MGST2: variants seen among roughly 807,000 people sequenced by gnomAD.
MGST2 encodes the protein microsomal glutathione S-transferase 2.
MGST2 carries 9 observed loss-of-function variants against 16.6 expected under a neutral mutation model. The observed-to-expected ratio is 0.54, with a 90% CI of 0.33 to 0.95. The LOEUF is 0.95. Among genes scored for constraint, MGST2 ranks in the 40% least tolerant of loss-of-function variants. The probability of loss-of-function intolerance (pLI) is 0.03; values close to 1 mark genes in which losing one functional copy is unlikely to be tolerated. For synonymous variants in MGST2, 79 were observed against 68.0 expected, an observed-to-expected ratio of 1.16 and a Z score of -0.79; for missense variants, 159 against 175.1, an observed-to-expected ratio of 0.91 and a Z score of 0.52.
intron 1 of MGST2, among the ~76,000 whole-genome samples, chr4:139,671,745 G>A (rs1349564663): frequency 6.6e-6 from 1 of 152,070 alleles, no homozygotes; most frequent in African/African-American, 2.4e-5. Flanking sequence ...AGGTTCAAGT[G>A]ATTCTCCCGG....
intron 1 of MGST2, among the ~76,000 whole-genome samples, chr4:139,671,289 T>G (rs1025486616): frequency 1.3e-5 from 2 of 152,124 alleles, no homozygotes; most frequent in African/African-American, 4.8e-5. Context: ...TAGGATTTCA[T>G]TTTTGGTTTC....
At position 139,702,843 on chromosome 4, in the gene MGST2, G is replaced by T. The variant is rs200640816; in HGVS notation, c.230-612G>T. Among the ~76,000 whole-genome samples the T allele has an allele frequency of 2.2e-3, 60 of 27,596 alleles. 1 individual carries two copies. Among genetic ancestry groups the T allele is most frequent in the African/African-American group, 3.6e-3 (53 of 14,718 alleles). 18.1% of individuals were successfully genotyped at this position (27,596 alleles called of 152,430 possible). A position where few individuals can be genotyped will look rare whatever the true frequency, so the allele number is the denominator to read the frequency against. On this transcript the variant is annotated intron_variant, in intron 3 of 4. Transcript: ENST00000265498. Reference sequence around the variant, plus strand: ...ATCCTCACCAACATTTTGTGTTACTGGTTTTTTTTTTTTTTTTTTTTTTTT... The same window carrying T: ...ATCCTCACCAACATTTTGTGTTACTTGTTTTTTTTTTTTTTTTTTTTTTTT...
chr4:139,732,824 GTGTAC>G (rs1728779626), intron 5 of MGST2, among the ~76,000 whole-genome samples: 1 of 152,218 alleles, frequency 6.6e-6, no homozygotes, highest in Non-Finnish European at 1.5e-5. Flanking sequence ...TCTCTCATAA[GTGTAC>G]TGCGTTCTAT....
chr4:139,704,792 G>A (rs1560757328), downstream of MGST2, among the ~76,000 whole-genome samples: 2 of 152,028 alleles, frequency 1.3e-5, no homozygotes, highest in South Asian at 2.1e-4. Context: ...CATGGTGGCG[G>A]GTGCCTGTAG....
At chr4:139,719,436 C>T (rs1473932697) in intron 5 of MGST2, 2 of 1,614,020 alleles carry the variant, frequency 1.2e-6, no homozygotes, top group Admixed American at 1.7e-5. Context: ...AAGGAACCCC[C>T]AGCTCCGTCG....
chr4:139,714,869 T>C (rs1031228632), intron 5 of MGST2, among the ~76,000 whole-genome samples: 2 of 152,096 alleles, frequency 1.3e-5, no homozygotes, highest in East Asian at 3.9e-4. Context: ...CTACCAGCTC[T>C]CAAATTTCCC....
chr4:139,688,936 G>A (rs1022348136), intron 2 of MGST2, among the ~76,000 whole-genome samples: 75 of 151,884 alleles, frequency 4.9e-4, no homozygotes, highest in African/African-American at 1.6e-3. Context: ...ATGAAACCTC[G>A]TCTCTACTAA....
intron 5 of MGST2, chr4:139,719,412 C>T: frequency 6.2e-7 from 1 of 1,614,062 alleles, no homozygotes; most frequent in East Asian, 2.2e-5. Context: ...TCTGCACCGT[C>T]CGGGAGGCCA....
rs1013891652 is a variant in MGST2, at chr4:139,678,629, G to A, written c.145G>A (p.Val49Ile). The change falls in exon 2 of 5, where the codon GTA (valine) becomes ATA (isoleucine). Residue 49 changes from valine (V) to isoleucine (I), a missense_variant. Physicochemically the swap from Val to Ile is conservative, Grantham distance 29. Transcript: ENST00000265498. Reference sequence around the variant, plus strand: ...CACTGGGTCACCAGAGTTTGAGAGAGTATTTCGGGCACAGTAAGTAATGCT... The same window carrying A: ...CACTGGGTCACCAGAGTTTGAGAGAATATTTCGGGCACAGTAAGTAATGCT... Reference protein sequence around the residue: ...AVTGSPEFERVFRAQQNCVEF... With the variant: ...AVTGSPEFERIFRAQQNCVEF... 2.5e-6 allele frequency: 4 copies of A among 1,613,212 alleles called. No individual in the cohort carries two copies. Among genetic ancestry groups the A allele is most frequent in the African/African-American group, 1.3e-5 (1 of 74,890 alleles).
chr4:139,709,741 G>T (rs1727669099), intron 5 of MGST2, among the ~76,000 whole-genome samples: 1 of 152,224 alleles, frequency 6.6e-6, no homozygotes, highest in African/African-American at 2.4e-5. Context: ...TAGCCCTGAA[G>T]ATTTTCTGTG....
At chr4:139,682,886 G>T (rs1469915845) in intron 2 of MGST2, among the ~76,000 whole-genome samples, 1 of 150,658 alleles carries the variant, frequency 6.6e-6, no homozygotes, top group African/African-American at 2.4e-5. Flanking sequence ...AAAAAAAAAA[G>T]AAACTCAACA....
intron 5 of MGST2, among the ~76,000 whole-genome samples, chr4:139,712,544 G>A (rs1727781760): frequency 6.6e-6 from 1 of 152,192 alleles, no homozygotes; most frequent in Admixed American, 6.5e-5. Flanking sequence ...AATTGGCTTT[G>A]ATGGAACTCT....
At chr4:139,703,642 G>A in intron 4 of MGST2, 106 bp downstream of exon 4, 1 of 1,061,028 alleles carries the variant, frequency 9.4e-7, no homozygotes. Context: ...AGTTGTGGTG[G>A]CAAAAGTAAT....
At position 139,739,679 on chromosome 4, in the gene MGST2, G is replaced by GTTTCT. The variant is rs200037455; in HGVS notation, c.*49-530_*49-529insCTTTT. ...TTAAGAAAGGCAGGGGAGGAAAGCA[G>GTTTCT]TTTTTTTTTTTTTTTCTTTTATGTC... On this transcript the variant is annotated intron_variant, in intron 5 of 5. Coordinates refer to the MGST2 transcript ENST00000616265. Among the ~76,000 whole-genome samples the GTTTCT allele has an allele frequency of 4.1e-3, 542 of 132,154 alleles. 3 individuals are homozygous for GTTTCT. Among genetic ancestry groups the GTTTCT allele is most frequent in the Non-Finnish European group, 5.7e-3 (360 of 63,402 alleles). 86.7% of individuals were successfully genotyped at this position (132,154 alleles called of 152,430 possible). A position where few individuals can be genotyped will look rare whatever the true frequency, so the allele number is the denominator to read the frequency against.
chr4:139,734,999 C>G (rs1728876523), intron 5 of MGST2, among the ~76,000 whole-genome samples: 1 of 152,178 alleles, frequency 6.6e-6, no homozygotes, highest in Non-Finnish European at 1.5e-5. Flanking sequence ...AGCCCGGCCT[C>G]GTGCCCGGCC....
intron 1 of MGST2, among the ~76,000 whole-genome samples, chr4:139,675,587 A>G (rs1730917255): frequency 1.3e-5 from 2 of 152,252 alleles, no homozygotes; most frequent in Non-Finnish European, 2.9e-5. Flanking sequence ...GAGCCCTGGC[A>G]ATGGAAAGTG....
At chr4:139,672,717 AT>A (rs1164032318) in intron 1 of MGST2, among the ~76,000 whole-genome samples, 1 of 151,748 alleles carries the variant, frequency 6.6e-6, no homozygotes, top group Non-Finnish European at 1.5e-5. Flanking sequence ...AACTCAGCTA[AT>A]TTTTGTATTT....
chr4:139,719,178 TG>T, intron 5 of MGST2: 1 of 915,376 alleles, frequency 1.1e-6, no homozygotes, highest in Non-Finnish European at 1.6e-6. Flanking sequence ...GATTGGCACC[TG>T]GATCTTCCAT....
rs923126234 is a variant in MGST2 at position 139,735,402 on chromosome 4, G to C, written c.*49-4810G>C. Among the ~76,000 whole-genome samples, 1 of 151,910 alleles carries C rather than the reference G, an allele frequency of 6.6e-6. No homozygotes were observed. The highest frequency in any genetic ancestry group is 2.4e-5 in the African/African-American group (1 of 41,342). ...GGAGGAAGAATTCAAGTGGGGGAGG[G>C]CGCGGGAAGGGGACGTGGAGGGAAA... On this transcript the variant is annotated intron_variant, in intron 5 of 5. Transcript: ENST00000616265. The surrounding 1 kb of genome is among the most constrained non-coding windows in gnomAD (Gnocchi z 5.8).
Sources: gnomAD v4.1 joint callset for allele counts (sites outside exome capture counted in the v4.1 genomes callset) on GRCh38, gnomAD v4.1.1 for gene constraint, Gnocchi (gnomAD v3.1) non-coding constraint, MANE v1.5 for transcripts, NCBI Gene and HGNC (gene_info 2026-07-23, HGNC 2026-07-21) for gene names.